Variants in SELENON observed in about 807,000 individuals in gnomAD.
SELENON encodes the protein selenoprotein N.
In SELENON, 44 loss-of-function variants were observed where a neutral mutation model predicts 59.5. That is an observed-to-expected ratio of 0.74 (90% CI 0.58 to 0.95). The LOEUF (loss-of-function observed/expected upper bound fraction) is 0.95, where lower values mean the gene tolerates loss of function less well. Ranked by LOEUF, SELENON falls within the 40% of genes least tolerant of loss-of-function variation. The probability of loss-of-function intolerance (pLI) is 0.00; values close to 1 mark genes in which losing one functional copy is unlikely to be tolerated. For missense variants in SELENON, 674 were observed against 721.4 expected (o/e 0.93, Z 0.75); for synonymous variants, 320 against 305.6 (o/e 1.05, Z -0.49).
At chr1:25,803,586 C>A (rs1210381768) in intron 3 of SELENON, among the ~76,000 whole-genome samples, 1 of 152,114 alleles carries the variant, frequency 6.6e-6, no homozygotes, top group Non-Finnish European at 1.5e-5. Flanking sequence ...TAATTAATAA[C>A]ATTATTACCA....
rs1019949391 is a variant in SELENON, at chr1:25,807,034, G to T, written c.538-1546G>T. On this transcript the variant is annotated intron_variant, in intron 4 of 12. Coordinates refer to ENST00000361547, the MANE Select transcript of SELENON (RefSeq NM_020451.3). This position sits in a 1 kb window ranked among gnomAD's most constrained non-coding sequence, Gnocchi z 4.5. ...AGACGGGGTTTCACCATGTTGACCA[G>T]GATGGTTTCAATCTCCTGACCTCGT... 2.0e-5 allele frequency among the ~76,000 whole-genome samples: 3 copies of T among 152,080 alleles called. No homozygotes were observed. Among genetic ancestry groups the T allele is most frequent in the African/African-American group, 7.2e-5 (3 of 41,418 alleles).
chr1:25,808,877 G>C, intron 5 of SELENON, 88 bp downstream of exon 4: 2 of 1,581,094 alleles, frequency 1.3e-6, no homozygotes, highest in Non-Finnish European at 1.7e-6. Flanking sequence ...CCCAGTGCCA[G>C]GCCTGCTCCA....
intron 7 of SELENON, 104 bp downstream of exon 6, chr1:25,809,924 C>A (rs959546414): frequency 9.1e-6 from 13 of 1,433,712 alleles, no homozygotes; most frequent in Non-Finnish European, 1.2e-5. Flanking sequence ...CCTTCCTTTG[C>A]TCCCCAGAGC....
At chr1:25,810,846 C>T (rs1008347225) in intron 7 of SELENON, among the ~76,000 whole-genome samples, 6 of 152,204 alleles carry the variant, frequency 3.9e-5, no homozygotes, top group Admixed American at 2.6e-4. Context: ...AGGAGGGGGC[C>T]TGGACTGTAT....
intron 4 of SELENON, among the ~76,000 whole-genome samples, chr1:25,805,950 C>T (rs2047902476): frequency 1.3e-5 from 2 of 152,248 alleles, no homozygotes; most frequent in South Asian, 4.1e-4. Flanking sequence ...CTCTCCTCCC[C>T]TCTGTGGGCT....
At position 25,808,631 on chromosome 1, in the gene SELENON, C is replaced by A. The variant is rs1557429941; in HGVS notation, c.589C>A (p.Pro197Thr). 1 of 1,613,836 alleles carries A rather than the reference C, an allele frequency of 6.2e-7. No individual in the cohort carries two copies. The highest frequency in any genetic ancestry group is 2.2e-5 in the East Asian group (1 of 44,884). ...CCGAAACTGGACAGCCGCCGCCTCA[C>A]CAAGTGCAGTGTTTGCCACCCGCCA... The change falls in exon 5 of 13, where the codon CCA becomes ACA. Residue 197 changes from proline (P) to threonine (T), a missense_variant. Transcript: ENST00000361547.
At chr1:25,809,932 AG>A in intron 7 of SELENON, 112 bp downstream of exon 6, 1 of 1,372,474 alleles carries the variant, frequency 7.3e-7, no homozygotes, top group Non-Finnish European at 1.0e-6. Flanking sequence ...TGCTCCCCAG[AG>A]CCCATCTCAT....
rs967157618 is a variant in SELENON at position 25,809,960 on chromosome 1, GA to G, written c.1010+141del. ...CCATCTCATGGGGCTGACGTGGCAG[GA>G]GGCGGCATGAGGCAGGCAAGAGAAT... On this transcript the variant is annotated intron_variant, in intron 7 of 12. Transcript: ENST00000361547. 136 of 1,058,168 alleles carry G rather than the reference GA, an allele frequency of 1.3e-4. No homozygotes were observed. The African/African-American group carries it at 1.8e-3, about 14-fold the overall frequency. The allele number at this position is 1,058,168 out of a possible 1,614,324, so 65.5% of individuals were successfully genotyped here.
chr1:25,802,172 TAG>T (rs548540479), intron 3 of SELENON: 110 of 218,196 alleles, frequency 5.0e-4, no homozygotes, highest in African/African-American at 2.5e-3. Context: ...TCTATTTTTG[TAG>T]AGATGCAGTC....
chr1:25,808,379 A>G (rs1404466208), intron 4 of SELENON, among the ~76,000 whole-genome samples: 1 of 149,110 alleles, frequency 6.7e-6, no homozygotes, highest in African/African-American at 2.5e-5. Flanking sequence ...CTGCAGAGGC[A>G]CTGCAGCAGG....
At chr1:25,803,020 C>A (rs2047873275) in intron 3 of SELENON, among the ~76,000 whole-genome samples, 1 of 152,126 alleles carries the variant, frequency 6.6e-6, no homozygotes, top group Non-Finnish European at 1.5e-5. Context: ...GACCTGTGAT[C>A]ACTGCTAGAG....
Position 25,809,805 on chromosome 1 carries a change from TC to T in SELENON, c.996del (p.Phe332LeufsTer?). 1 of 1,613,830 alleles carries T rather than the reference TC, an allele frequency of 6.2e-7. No individual in the cohort carries two copies. The highest frequency in any genetic ancestry group is 2.2e-5 in the East Asian group (1 of 44,886). ...ACCCACGTCCGCGACTTCCGGCTCT[TC>T]GTGCCCAACCACAGGTGGGAGCTTG... On this transcript the variant is annotated frameshift_variant, in exon 7 of 13. Transcript: ENST00000361547. LOFTEE classifies it high-confidence loss of function.
At chr1:25,812,534 C>G (rs1263760936) in intron 9 of SELENON, among the ~76,000 whole-genome samples, 153 bp from the exon 9 acceptor site, 2 of 149,352 alleles carry the variant, frequency 1.3e-5, no homozygotes, top group Admixed American at 1.4e-4. Flanking sequence ...TATACACAGA[C>G]ATACACACAA....
Position 25,807,982 on chromosome 1 carries a change from C to T in SELENON, c.538-598C>T, listed in dbSNP as rs770138969. Among the ~76,000 whole-genome samples the T allele has an allele frequency of 6.6e-6, 1 of 152,238 alleles. No individual in the cohort carries two copies. The highest frequency in any genetic ancestry group is 1.5e-5 in the Non-Finnish European group (1 of 68,044). On this transcript the variant is annotated intron_variant, in intron 4 of 12. Coordinates refer to ENST00000361547, the MANE Select transcript of SELENON (RefSeq NM_020451.3). The surrounding 1 kb of genome is among the most constrained non-coding windows in gnomAD (Gnocchi z 4.5). Reference sequence around the variant, plus strand: ...TCTGGGGGTGGCCTTCCTTCCCCTTCCCTGTGGTCTCATCCTGCTCTTGAC... The same window carrying T: ...TCTGGGGGTGGCCTTCCTTCCCCTTTCCTGTGGTCTCATCCTGCTCTTGAC...
intron 4 of SELENON, among the ~76,000 whole-genome samples, chr1:25,806,806 G>A (rs2047910722): frequency 6.6e-6 from 1 of 151,858 alleles, no homozygotes; most frequent in South Asian, 2.1e-4. Flanking sequence ...AAGCAGTGCT[G>A]GGGAGCCCCT....
At chr1:25,810,473 G>C (rs948238559) in intron 7 of SELENON, among the ~76,000 whole-genome samples, 1 of 152,252 alleles carries the variant, frequency 6.6e-6, no homozygotes, top group Non-Finnish European at 1.5e-5. Context: ...GAGTGGGCCT[G>C]AGTGACCGCT....
At chr1:25,811,916 G>GAC (rs2047964178) in intron 9 of SELENON, 37 bp downstream of exon 8, 2 of 1,543,988 alleles carry the variant, frequency 1.3e-6, no homozygotes, top group African/African-American at 2.7e-5. Flanking sequence ...GGGTCAGGCT[G>GAC]CATGGGCAGA....
At chr1:25,814,847 C>T (rs1273435750) in intron 12 of SELENON, among the ~76,000 whole-genome samples, 2 of 152,050 alleles carry the variant, frequency 1.3e-5, no homozygotes, top group African/African-American at 2.4e-5. Context: ...AGGAGGGGGC[C>T]GGCTTCCTCA....
chr1:25,803,945 C>A (rs1005686540), intron 3 of SELENON, among the ~76,000 whole-genome samples: 7 of 152,052 alleles, frequency 4.6e-5, no homozygotes, highest in African/African-American at 1.7e-4. Flanking sequence ...TCAGGTGATC[C>A]GCCTGCTTCG....
Sources: gnomAD v4.1 joint callset for allele counts (sites outside exome capture counted in the v4.1 genomes callset) on GRCh38, gnomAD v4.1.1 for gene constraint, Gnocchi (gnomAD v3.1) non-coding constraint, MANE v1.5 for transcripts, NCBI Gene and HGNC (gene_info 2026-07-23, HGNC 2026-07-21) for gene names.